RBM46: variants seen among roughly 807,000 people sequenced by gnomAD.
RBM46 encodes probable RNA-binding protein 46.
RBM46 carries 12 observed loss-of-function variants against 43.3 expected under a neutral mutation model. That is an observed-to-expected ratio of 0.28 (90% CI 0.18 to 0.45). RBM46 has a LOEUF of 0.45. Ranked by LOEUF, RBM46 falls within the 20% of genes least tolerant of loss-of-function variation. RBM46 has a pLI of 1.00. For synonymous variants in RBM46, 205 were observed against 207.6 expected (o/e 0.99, Z 0.11); for missense variants, 412 against 639.1 (o/e 0.64, Z 3.83).
At chr4:154,808,073 G>A (rs1734993249) in intron 4 of RBM46, among the ~76,000 whole-genome samples, 1 of 151,666 alleles carries the variant, frequency 6.6e-6, no homozygotes, top group Non-Finnish European at 1.5e-5. Context: ...TTATAACTTT[G>A]GATTAAAAAG....
chr4:154,802,213 TAG>T (rs1734670561), intron 4 of RBM46, among the ~76,000 whole-genome samples: 1 of 152,176 alleles, frequency 6.6e-6, no homozygotes. Flanking sequence ...ATTGTTGAGT[TAG>T]AGGCAGGAAA....
intron 4 of RBM46, chr4:154,826,708 T>A: frequency 2.0e-6 from 2 of 1,013,474 alleles, no homozygotes; most frequent in Non-Finnish European, 1.4e-6. Flanking sequence ...TGCTGGAAAT[T>A]AAACCTATAT....
intron 4 of RBM46, among the ~76,000 whole-genome samples, chr4:154,807,282 T>C (rs1327852581): frequency 1.3e-5 from 2 of 151,736 alleles, no homozygotes; most frequent in Admixed American, 6.6e-5. Context: ...ATTTTTAATG[T>C]GGCTTTAAAA....
At chr4:154,814,489 GATC>G (rs1223571888) in intron 4 of RBM46, among the ~76,000 whole-genome samples, 1 of 151,968 alleles carries the variant, frequency 6.6e-6, no homozygotes, top group Non-Finnish European at 1.5e-5. Context: ...TTGTGAGAAT[GATC>G]ACCATCTCTT....
At chr4:154,788,254 C>T (rs1733885096) in intron 1 of RBM46, among the ~76,000 whole-genome samples, 1 of 152,174 alleles carries the variant, frequency 6.6e-6, no homozygotes, top group Non-Finnish European at 1.5e-5. Context: ...GTCATGAAGT[C>T]CTTGCCCATG....
intron 1 of RBM46, among the ~76,000 whole-genome samples, chr4:154,784,437 A>G (rs1288792126): frequency 6.6e-6 from 1 of 152,250 alleles, no homozygotes; most frequent in Non-Finnish European, 1.5e-5. Context: ...TAAAGGAGAT[A>G]TAGTTAGCAC....
At chr4:154,782,148 C>G (rs949150275) in intron 1 of RBM46, among the ~76,000 whole-genome samples, 1 of 152,224 alleles carries the variant, frequency 6.6e-6, no homozygotes, top group African/African-American at 2.4e-5. Flanking sequence ...TCCCCCGACA[C>G]ACGGACGGCA....
chr4:154,795,265 A>G (rs924635647), intron 1 of RBM46, among the ~76,000 whole-genome samples: 1 of 152,194 alleles, frequency 6.6e-6, no homozygotes, highest in Admixed American at 6.5e-5. Context: ...TAATTTGTCC[A>G]AAGTCAGAGC....
At chr4:154,797,371 G>T (rs920012949) in intron 2 of RBM46, among the ~76,000 whole-genome samples, 7 of 152,230 alleles carry the variant, frequency 4.6e-5, no homozygotes, top group African/African-American at 1.4e-4. Context: ...CTGGCTTCTG[G>T]GTACCTCAAT....
chr4:154,825,747 T>C (rs1479129039), intron 4 of RBM46, among the ~76,000 whole-genome samples: 3 of 152,216 alleles, frequency 2.0e-5, no homozygotes, highest in African/African-American at 4.8e-5. Flanking sequence ...CTATCTGCTT[T>C]CTGAAATCTT....
intron 4 of RBM46, among the ~76,000 whole-genome samples, chr4:154,805,337 T>A (rs1011229457): frequency 6.6e-6 from 1 of 152,166 alleles, no homozygotes; most frequent in Non-Finnish European, 1.5e-5. Flanking sequence ...GACCATTTTG[T>A]GTGTGAATAT....
At chr4:154,815,019 C>A (rs919304217) in intron 4 of RBM46, among the ~76,000 whole-genome samples, 1 of 151,952 alleles carries the variant, frequency 6.6e-6, no homozygotes, top group Non-Finnish European at 1.5e-5. Flanking sequence ...CCAGACATTA[C>A]TTTCCTTCCT....
intron 1 of RBM46, among the ~76,000 whole-genome samples, chr4:154,795,124 G>A (rs1734287242): frequency 6.6e-6 from 1 of 152,124 alleles, no homozygotes; most frequent in Admixed American, 6.6e-5. Flanking sequence ...GGAAATACAT[G>A]TATAGTGCTT....
At chr4:154,812,151 T>C (rs1450060171) in intron 4 of RBM46, among the ~76,000 whole-genome samples, 1 of 152,170 alleles carries the variant, frequency 6.6e-6, no homozygotes, top group Non-Finnish European at 1.5e-5. Context: ...AAACTGGTTT[T>C]TGTCTAATAT....
At chr4:154,810,450 T>C (rs1735120321) in intron 4 of RBM46, among the ~76,000 whole-genome samples, 1 of 147,518 alleles carries the variant, frequency 6.8e-6, no homozygotes, top group Non-Finnish European at 1.5e-5. Context: ...TTTGGAGCTG[T>C]TTAGTGTGTA....
intron 4 of RBM46, among the ~76,000 whole-genome samples, chr4:154,811,228 A>C (rs565870068): frequency 4.1e-4 from 63 of 152,322 alleles, no homozygotes; most frequent in Admixed American, 8.5e-4. Context: ...TTTCAGGAAA[A>C]GGAAATTAAG....
At chr4:154,782,928 T>TA (rs891915223) in intron 1 of RBM46, among the ~76,000 whole-genome samples, 2 of 152,198 alleles carry the variant, frequency 1.3e-5, no homozygotes, top group Non-Finnish European at 2.9e-5. Context: ...CTTATTTAAA[T>TA]AATGGGAAGA....
chr4:154,783,406 G>A (rs1733601866), intron 1 of RBM46, among the ~76,000 whole-genome samples: 1 of 152,230 alleles, frequency 6.6e-6, no homozygotes, highest in South Asian at 2.1e-4. Context: ...GGAGAAGGAA[G>A]ACATGTCAGT....
At chr4:154,781,937 G>A (rs914612725) in intron 1 of RBM46, 8 of 152,344 alleles carry the variant, frequency 5.3e-5, no homozygotes, top group African/African-American at 1.7e-4. Flanking sequence ...GGCTGGGTGA[G>A]ATTCAGCAGT....
Sources: allele counts gnomAD v4.1 joint callset (sites outside exome capture counted in the v4.1 genomes callset), GRCh38; gene constraint gnomAD v4.1.1; transcripts MANE v1.5; gene names NCBI Gene and HGNC (gene_info 2026-07-23, HGNC 2026-07-21).